BRD1: variants seen among roughly 807,000 people sequenced by gnomAD.
BRD1 encodes the protein bromodomain containing 1, also known as bromodomain-containing protein 1.
In BRD1, 24 loss-of-function variants were observed where a neutral mutation model predicts 107.7. That is an observed-to-expected ratio of 0.22 (90% CI 0.16 to 0.31). The LOEUF (loss-of-function observed/expected upper bound fraction) is 0.31. Among genes scored for constraint, BRD1 ranks in the 10% least tolerant of loss-of-function variants. The pLI, the probability that BRD1 is intolerant of heterozygous loss-of-function variation, is 1.00. For missense variants in BRD1, 1,279 were observed against 1,638.6 expected (o/e 0.78, Z 3.79); for synonymous variants, 744 against 686.1 (o/e 1.08, Z -1.32).
At chr22:49,812,458 C>G (rs149197719) in intron 2 of BRD1, among the ~76,000 whole-genome samples, 176 of 152,298 alleles carry the variant, frequency 1.2e-3, no homozygotes, top group African/African-American at 4.2e-3. Flanking sequence ...ATAATCCCAG[C>G]TACTCAGGAG....
chr22:49,824,830 C>A lies in BRD1; in HGVS notation c.-14-499G>T. Reference sequence around the variant, plus strand: ...GCTCCCCCTAAACCACTCTTCCCCTCCCCACTACTCCCAGGAGAGCACTCC... The same window carrying A: ...GCTCCCCCTAAACCACTCTTCCCCTACCCACTACTCCCAGGAGAGCACTCC... On this transcript the variant is annotated intron_variant, in intron 1 of 12. Coordinates refer to ENST00000404760, the MANE Select transcript of BRD1 (RefSeq NM_001304808.3). This position sits in a 1 kb window ranked among gnomAD's most constrained non-coding sequence, Gnocchi z 5.9. 1.0e-6 allele frequency: 1 copy of A among 1,004,938 alleles called. No individual in the cohort carries two copies. Among genetic ancestry groups the A allele is most frequent in the Non-Finnish European group, 1.2e-6 (1 of 839,968 alleles). The allele number at this position is 1,004,938 out of a possible 1,614,324, so 62.3% of individuals were successfully genotyped here. A position where few individuals can be genotyped will look rare whatever the true frequency, so the allele number is the denominator to read the frequency against.
At position 49,803,637 on chromosome 22, in the gene BRD1, T is replaced by C. The variant is rs2059682363; in HGVS notation, c.1524+567A>G. ...ATGTAAGAGTTTGGGTTTGTTCTTT[T>C]AAAAAGGAAAAGTCCTGCTCCTTCC... On this transcript the variant is annotated intron_variant, in intron 3 of 12. Transcript: ENST00000404760. This position sits in a 1 kb window ranked among gnomAD's most constrained non-coding sequence, Gnocchi z 4.4. Among the ~76,000 whole-genome samples the C allele has an allele frequency of 6.6e-6, 1 of 152,148 alleles. No homozygotes were observed. Among genetic ancestry groups the C allele is most frequent in the African/African-American group, 2.4e-5 (1 of 41,422 alleles).
At chr22:49,785,197 G>T (rs1015837664) in intron 8 of BRD1, among the ~76,000 whole-genome samples, 3 of 152,266 alleles carry the variant, frequency 2.0e-5, no homozygotes, top group South Asian at 2.1e-4. Flanking sequence ...GTGGCCGCCA[G>T]CCGGCAAAAC....
Position 49,819,357 on chromosome 22 carries a change from C to T in BRD1, c.1367+3594G>A, listed in dbSNP as rs772945616. Among the ~76,000 whole-genome samples, 70 of 151,940 alleles carry T rather than the reference C, an allele frequency of 4.6e-4. 1 individual carries two copies. The highest frequency in any genetic ancestry group is 1.6e-3 in the African/African-American group (68 of 41,462). ...CTGTAATCTCAGCACTTTGGGAGGC[C>T]GAGGCAGGCAGATTGCTTGACCCCA... is the stretch of plus-strand genomic sequence containing the variant. On this transcript the variant is annotated intron_variant, in intron 2 of 12. Transcript: ENST00000404760.
chr22:49,789,046 C>T (rs2059382835), intron 7 of BRD1, among the ~76,000 whole-genome samples: 1 of 152,214 alleles, frequency 6.6e-6, no homozygotes, highest in Admixed American at 6.5e-5. Context: ...CGCCGGGCAG[C>T]AGTGCTTTCG....
At chr22:49,820,223 G>C (rs920385959) in intron 2 of BRD1, among the ~76,000 whole-genome samples, 1 of 152,166 alleles carries the variant, frequency 6.6e-6, no homozygotes, top group Non-Finnish European at 1.5e-5. Context: ...GTCCCTGAAG[G>C]CAGATTCTGT....
At chr22:49,800,861 C>T (rs374959628) in intron 3 of BRD1, among the ~76,000 whole-genome samples, 6 of 152,378 alleles carry the variant, frequency 3.9e-5, no homozygotes, top group South Asian at 2.1e-4. Flanking sequence ...AGCGCCTCCG[C>T]GTCCATTCCA....
chr22:49,824,064 A>G lies in BRD1; in HGVS notation c.254T>C (p.Val85Ala), dbSNP rs202064518. 9 of 1,613,856 alleles carry G rather than the reference A, an allele frequency of 5.6e-6. No individual in the cohort carries two copies. The highest frequency in any genetic ancestry group is 1.3e-5 in the African/African-American group (1 of 74,924). The stretch of plus-strand genomic sequence containing the variant: ...TTTGTGACGCTTAGTTCTTAAGCAG[A>G]CAGGAGGCCGCTCGCTGTTTTCCTT... ...SNKENSERPP[V>A]CLRTKRHKNN... The change falls in exon 2 of 13, where the codon GTC (valine) becomes GCC (alanine). Residue 85 changes from valine (V) to alanine (A), a missense_variant. Coordinates refer to ENST00000404760, the MANE Select transcript of BRD1 (RefSeq NM_001304808.3). The surrounding 1 kb of genome is among the most constrained non-coding windows in gnomAD (Gnocchi z 5.9).
chr22:49,787,438 C>T lies in BRD1; in HGVS notation c.2809G>A (p.Gly937Arg), dbSNP rs762816988. 70 of 1,614,054 alleles carry T rather than the reference C, an allele frequency of 4.3e-5. No individual in the cohort carries two copies. The highest frequency in any genetic ancestry group is 4.9e-5 in the Non-Finnish European group (58 of 1,180,036). Residue 937 changes from glycine to arginine, a missense_variant, in exon 8 of 13, where the codon GGA becomes AGA. Around this residue, in one of 7 missense-constraint regions of BRD1, gnomAD observed 263 missense variants for 251.6 expected, o/e 1.05. Coordinates refer to ENST00000404760, the MANE Select transcript of BRD1 (RefSeq NM_001304808.3). ...QPRKRSRSTCGDSEVEEESPG... is the reference protein window; with the variant it reads ...QPRKRSRSTCRDSEVEEESPG... ...GACTCCTCCTCCACCTCGGAGTCTC[C>T]GCATGTGCTCCGCGACCTTTTCCTT...
At chr22:49,785,994 T>C (rs1344778988) in intron 8 of BRD1, among the ~76,000 whole-genome samples, 1 of 152,086 alleles carries the variant, frequency 6.6e-6, no homozygotes, top group East Asian at 1.9e-4. Flanking sequence ...CAGCCTTCCA[T>C]CTGCACCCGG....
In BRD1 at chr22:49,774,317, G is replaced by A. The variant is rs144418668; in HGVS notation, c.3486C>T (p.Ala1162=). Reference sequence around the variant, plus strand: ...TGGCGCGGTCAAAAGCGATCCGCACGGCCTTCCGGATGCTGGAATTCCTCC... The same window carrying A: ...TGGCGCGGTCAAAAGCGATCCGCACAGCCTTCCGGATGCTGGAATTCCTCC... ...MEGRNSSIRK[A]VRIAFDRAMN... Residue 1162 remains alanine (A), a synonymous_variant, in exon 13 of 13, where the codon GCC becomes GCT. Coordinates refer to ENST00000404760, the MANE Select transcript of BRD1 (RefSeq NM_001304808.3). 72 of 1,614,068 alleles carry A rather than the reference G, an allele frequency of 4.5e-5. No individual in the cohort carries two copies. Among genetic ancestry groups the A allele is most frequent in the Middle Eastern group, 3.3e-4 (2 of 6,084 alleles).
chr22:49,789,000 G>A (rs2059381671), intron 7 of BRD1, among the ~76,000 whole-genome samples: 1 of 152,182 alleles, frequency 6.6e-6, no homozygotes, highest in Non-Finnish European at 1.5e-5. Flanking sequence ...GCAATGTTTT[G>A]AGGCTGAAGA....
intron 2 of BRD1, among the ~76,000 whole-genome samples, chr22:49,819,932 C>T (rs2060032504): frequency 6.6e-6 from 1 of 151,858 alleles, no homozygotes; most frequent in African/African-American, 2.4e-5. Context: ...CAGTTCAAGA[C>T]CAGCCTGGCC....
At chr22:49,790,747 G>A (rs2059418808) in intron 7 of BRD1, among the ~76,000 whole-genome samples, 1 of 152,110 alleles carries the variant, frequency 6.6e-6, no homozygotes, top group Admixed American at 6.5e-5. Context: ...TCAAGCCTCC[G>A]TCCTCTGCAA....
intron 2 of BRD1, chr22:49,805,698 T>C (rs1254564033): frequency 6.6e-6 from 1 of 152,076 alleles, no homozygotes; most frequent in Non-Finnish European, 1.5e-5. Context: ...GCAAACCATG[T>C]GCAGTCAATA....
Position 49,798,660 on chromosome 22 carries a change from C to G in BRD1, c.1683G>C (p.Glu561Asp), listed in dbSNP as rs745840425. 1 of 1,611,188 alleles carries G rather than the reference C, an allele frequency of 6.2e-7. No homozygotes were observed. Among genetic ancestry groups the G allele is most frequent in the Non-Finnish European group, 8.5e-7 (1 of 1,178,826 alleles). ...EQVKVEQVAMELRLTPLTVLL... is the reference protein window; with the variant it reads ...EQVKVEQVAMDLRLTPLTVLL... ...GCACCGTCAGCGGGGTCAGCCGCAG[C>G]TCCATGGCGACCTGCTCCACCTTCA... Residue 561 changes from glutamate (E) to aspartate (D), a missense_variant, in exon 5 of 13, where the codon GAG becomes GAC. Coordinates refer to ENST00000404760, the MANE Select transcript of BRD1 (RefSeq NM_001304808.3).
chr22:49,778,807 G>A (rs138828), intron 8 of BRD1, among the ~76,000 whole-genome samples: 38,196 of 151,696 alleles, frequency 0.25, 5,929 homozygotes, highest in African/African-American at 0.44. Context: ...GACTACAGGC[G>A]CCCGCCACCA....
intron 1 of BRD1, among the ~76,000 whole-genome samples, chr22:49,827,144 G>A (rs1160806659): frequency 3.3e-5 from 5 of 151,314 alleles, no homozygotes; most frequent in South Asian, 2.1e-4. Flanking sequence ...GGCCCGACCC[G>A]ACTCGAGCGC....
chr22:49,820,576 A>G (rs2060046850), intron 2 of BRD1, among the ~76,000 whole-genome samples: 2 of 152,346 alleles, frequency 1.3e-5, no homozygotes, highest in South Asian at 4.1e-4. Context: ...ACTGCACTCC[A>G]ACGTGGGCAA....
Sources: allele counts gnomAD v4.1 joint callset (sites outside exome capture counted in the v4.1 genomes callset), GRCh38; gene constraint gnomAD v4.1.1; regional missense constraint gnomAD v4.1.1; non-coding constraint Gnocchi (gnomAD v3.1); transcripts MANE v1.5; gene names NCBI Gene and HGNC (gene_info 2026-07-23, HGNC 2026-07-21).